Variants in DPYD observed in about 807,000 individuals in gnomAD.
The protein encoded by DPYD is dihydropyrimidine dehydrogenase, also known as dihydropyrimidine dehydrogenase [NADP(+)].
Under a neutral mutation model 116.2 loss-of-function variants are expected in DPYD, and 109 were observed. The observed-to-expected ratio is 0.94, with a 90% confidence interval of 0.80 to 1.10. DPYD has a LOEUF of 1.10. Among genes scored for constraint, DPYD ranks in the 50% least tolerant of loss-of-function variants. DPYD has a pLI of 0.00. For missense variants in DPYD, 1,302 were observed against 1,254.5 expected (o/e 1.04, Z -0.57); for synonymous variants, 440 against 432.0 (o/e 1.02, Z -0.23).
intron 18 of DPYD, among the ~76,000 whole-genome samples, chr1:97,279,725 G>T (rs1414963388): frequency 6.6e-6 from 1 of 152,120 alleles, no homozygotes; most frequent in Non-Finnish European, 1.5e-5. Flanking sequence ...GGCCAAGCTG[G>T]TCTCAAACTC....
At chr1:97,893,429 C>CATATATATATATATATATATATAT in intron 1 of DPYD, among the ~76,000 whole-genome samples, 1 of 71,906 alleles carries the variant, frequency 1.4e-5, no homozygotes, top group South Asian at 5.5e-4. Flanking sequence ...ATATCCATCG[C>CATATATATATATATATATATATAT]ATATATATAT....
At chr1:97,476,260 G>C (rs1369798979) in intron 13 of DPYD, among the ~76,000 whole-genome samples, 1 of 152,152 alleles carries the variant, frequency 6.6e-6, no homozygotes, top group Non-Finnish European at 1.5e-5. Context: ...CTACATTTCT[G>C]GGTTGGACTA....
At chr1:97,622,045 C>T (rs977991645) in intron 8 of DPYD, among the ~76,000 whole-genome samples, 3 of 151,884 alleles carry the variant, frequency 2.0e-5, no homozygotes, top group Admixed American at 2.0e-4. Context: ...AGACAAATTC[C>T]CATGCAGATG....
chr1:97,771,043 TGCAGTG>T (rs574743855), intron 3 of DPYD, among the ~76,000 whole-genome samples: 1 of 152,260 alleles, frequency 6.6e-6, no homozygotes, highest in South Asian at 2.1e-4. Flanking sequence ...ATAGGCTGGA[TGCAGTG>T]GCTTATGCCT....
chr1:97,195,306 T>C lies in DPYD; in HGVS notation c.2443-2058A>G, dbSNP rs193152247. 3.7e-3 allele frequency among the ~76,000 whole-genome samples: 562 copies of C among 151,930 alleles called. 7 individuals are homozygous for C. The highest frequency in any genetic ancestry group is 0.013 in the African/African-American group (544 of 41,420). Reference sequence around the variant, plus strand: ...CAGCCAACAAAGAAAAATCATGTCATGCATGAATGAAAAAGAAAATGAAGG... The same window carrying C: ...CAGCCAACAAAGAAAAATCATGTCACGCATGAATGAAAAAGAAAATGAAGG... On this transcript the variant is annotated intron_variant, in intron 19 of 22. Transcript: ENST00000370192.
chr1:97,346,473 C>T (rs1570567837), intron 16 of DPYD, among the ~76,000 whole-genome samples: 1 of 151,604 alleles, frequency 6.6e-6, no homozygotes, highest in Non-Finnish European at 1.5e-5. Flanking sequence ...CTTGTCTTTT[C>T]GTTTTCCTCA....
At chr1:97,297,693 T>C (rs1217457738) in intron 18 of DPYD, among the ~76,000 whole-genome samples, 1 of 152,216 alleles carries the variant, frequency 6.6e-6, no homozygotes, top group Non-Finnish European at 1.5e-5. Flanking sequence ...AGCACTGCTG[T>C]TTCCCACACT....
intron 5 of DPYD, among the ~76,000 whole-genome samples, chr1:97,705,290 A>C (rs1297986293): frequency 2.0e-5 from 3 of 151,690 alleles, no homozygotes; most frequent in Non-Finnish European, 2.9e-5. Context: ...CGCTCCCCCC[A>C]ACCAACAACA....
intron 8 of DPYD, among the ~76,000 whole-genome samples, chr1:97,621,067 A>T (rs1282909328): frequency 6.6e-6 from 1 of 152,160 alleles, no homozygotes; most frequent in Non-Finnish European, 1.5e-5. Context: ...TGCCTTTTGA[A>T]TATCAAAAGA....
Position 97,079,100 on chromosome 1 carries a change from G to A in DPYD, c.2954C>T (p.Thr985Ile). Residue 985 changes from threonine to isoleucine, a missense_variant, in exon 23 of 23, where the codon ACT (threonine) becomes ATT (isoleucine). Physicochemically the swap from Thr to Ile is moderately conservative, Grantham distance 89 (BLOSUM62 -1). Coordinates refer to ENST00000370192, the MANE Select transcript of DPYD (RefSeq NM_000110.4). Reference sequence around the variant, plus strand: ...GAGACACAGAGTACAGCCTGTACAAGTGTCGGTTATGGTGGGCAGGTGGGT... The same window carrying A: ...GAGACACAGAGTACAGCCTGTACAAATGTCGGTTATGGTGGGCAGGTGGGT... ...PETHLPTITD[T>I]CTGCTLCLSV... The A allele has an allele frequency of 6.2e-7, 1 of 1,613,722 alleles. No individual in the cohort carries two copies.
chr1:97,229,581 T>C (rs978584487), intron 19 of DPYD, among the ~76,000 whole-genome samples: 4 of 62,986 alleles, frequency 6.4e-5, no homozygotes, highest in African/African-American at 2.1e-4. Flanking sequence ...TATATATATA[T>C]ATATATATAC....
At chr1:97,428,784 T>TC (rs1311357884) in intron 14 of DPYD, among the ~76,000 whole-genome samples, 1 of 151,758 alleles carries the variant, frequency 6.6e-6, no homozygotes, top group South Asian at 2.1e-4. Context: ...GTTTTCTTTT[T>TC]TTTTTGAGCA....
intron 16 of DPYD, among the ~76,000 whole-genome samples, chr1:97,310,708 G>A (rs74104349): frequency 1.5e-3 from 224 of 151,848 alleles, no homozygotes; most frequent in African/African-American, 5.3e-3. Context: ...TAAAAAGGTA[G>A]ACATGGACTT....
intron 20 of DPYD, among the ~76,000 whole-genome samples, chr1:97,122,761 C>G (rs767951276): frequency 6.6e-6 from 1 of 152,116 alleles, no homozygotes; most frequent in Non-Finnish European, 1.5e-5. Flanking sequence ...ATCACTTACT[C>G]TATCCCTTCA....
chr1:97,608,850 C>T (rs1399035625), intron 8 of DPYD, among the ~76,000 whole-genome samples: 1 of 151,790 alleles, frequency 6.6e-6, no homozygotes, highest in African/African-American at 2.4e-5. Context: ...GAATCTATAG[C>T]AACAGTTCAT....
intron 18 of DPYD, among the ~76,000 whole-genome samples, chr1:97,285,623 G>T: frequency 6.6e-6 from 1 of 151,620 alleles, no homozygotes; most frequent in Non-Finnish European, 1.5e-5. Flanking sequence ...TGGAATATTT[G>T]TGAAAATTTC....
At chr1:97,819,562 A>C (rs988973001) in intron 3 of DPYD, among the ~76,000 whole-genome samples, 3 of 152,146 alleles carry the variant, frequency 2.0e-5, no homozygotes, top group African/African-American at 7.2e-5. Context: ...ACTATTAAAC[A>C]ACCTGCTAAT....
At chr1:97,079,987 G>GAT (rs1004740887) in intron 22 of DPYD, among the ~76,000 whole-genome samples, 25 of 151,654 alleles carry the variant, frequency 1.6e-4, no homozygotes, top group African/African-American at 5.6e-4. Flanking sequence ...AAAAAGATAT[G>GAT]ATGATTATTT....
At chr1:97,605,477 G>A (rs568496555) in intron 8 of DPYD, among the ~76,000 whole-genome samples, 2 of 152,124 alleles carry the variant, frequency 1.3e-5, no homozygotes, top group South Asian at 2.1e-4. Context: ...TACCCTGTGA[G>A]TAAGGTGCTT....
Sources: allele counts gnomAD v4.1 joint callset (sites outside exome capture counted in the v4.1 genomes callset), GRCh38; gene constraint gnomAD v4.1.1; transcripts MANE v1.5; gene names NCBI Gene and HGNC (gene_info 2026-07-23, HGNC 2026-07-21).